NBEA: variants seen among roughly 807,000 people sequenced by gnomAD.
The protein encoded by NBEA is neurobeachin.
Under a neutral mutation model 343.4 loss-of-function variants are expected in NBEA, and 44 were observed. The ratio of observed to expected loss-of-function variants is 0.13; its 90% CI spans 0.10 to 0.16. The LOEUF (loss-of-function observed/expected upper bound fraction) is 0.16. Among genes scored for constraint, NBEA ranks in the 10% least tolerant of loss-of-function variants. The pLI is 1.00. For synonymous variants in NBEA, 1,175 were observed against 1,238.7 expected, an observed-to-expected ratio of 0.95 and a Z score of 1.08; for missense variants, 2,555 against 3,631.3, an observed-to-expected ratio of 0.70 and a Z score of 7.62.
At chr13:34,963,514 G>A (rs2059724867) in intron 1 of NBEA, among the ~76,000 whole-genome samples, 1 of 152,024 alleles carries the variant, frequency 6.6e-6, no homozygotes, top group African/African-American at 2.4e-5. Context: ...GGGGGATACA[G>A]TGCAGCCCAT....
At chr13:35,264,403 A>T (rs552216196) in intron 34 of NBEA, among the ~76,000 whole-genome samples, 1 of 151,986 alleles carries the variant, frequency 6.6e-6, no homozygotes, top group Admixed American at 6.6e-5. Flanking sequence ...ACATATTACA[A>T]ACCCAGCATT....
intron 41 of NBEA, among the ~76,000 whole-genome samples, chr13:35,491,258 G>A (rs2076489148): frequency 6.6e-6 from 1 of 151,866 alleles, no homozygotes; most frequent in Non-Finnish European, 1.5e-5. Flanking sequence ...CATATAGCAG[G>A]TACTCAGTGC....
At chr13:35,080,439 C>A (rs1356716146) in intron 10 of NBEA, among the ~76,000 whole-genome samples, 1 of 152,126 alleles carries the variant, frequency 6.6e-6, no homozygotes, top group Non-Finnish European at 1.5e-5. Flanking sequence ...CATTCTCTGA[C>A]AAAGAGGTTA....
intron 34 of NBEA, among the ~76,000 whole-genome samples, chr13:35,278,795 C>A (rs1347593134): frequency 6.6e-6 from 1 of 152,082 alleles, no homozygotes; most frequent in Non-Finnish European, 1.5e-5. Flanking sequence ...CTTAGATGGG[C>A]CAAAACATGA....
At chr13:35,010,713 G>T in intron 1 of NBEA, among the ~76,000 whole-genome samples, 1 of 71,270 alleles carries the variant, frequency 1.4e-5, no homozygotes, top group South Asian at 6.8e-4. Flanking sequence ...AACATAGCAA[G>T]ACTGGGTCTC....
intron 34 of NBEA, among the ~76,000 whole-genome samples, chr13:35,262,177 G>T (rs559240559): frequency 1.0e-3 from 155 of 152,344 alleles, no homozygotes; most frequent in African/African-American, 3.5e-3. Flanking sequence ...TCCAAGTGCT[G>T]CCAAGAATAT....
At chr13:35,201,723 C>T (rs1177589844) in intron 31 of NBEA, among the ~76,000 whole-genome samples, 1 of 151,990 alleles carries the variant, frequency 6.6e-6, no homozygotes, top group Non-Finnish European at 1.5e-5. Context: ...TTCCAAAATC[C>T]TATTTAAATG....
chr13:35,258,860 A>C (rs1256234705), intron 34 of NBEA, among the ~76,000 whole-genome samples: 4 of 152,240 alleles, frequency 2.6e-5, no homozygotes, highest in African/African-American at 9.6e-5. Flanking sequence ...TCAATAAATT[A>C]CATGAGAAAT....
At chr13:35,102,687 A>C (rs1412192284) in intron 11 of NBEA, among the ~76,000 whole-genome samples, 3 of 151,742 alleles carry the variant, frequency 2.0e-5, no homozygotes, top group Non-Finnish European at 3.0e-5. Context: ...AAAAGTTTTG[A>C]TTTTTGTTAC....
intron 34 of NBEA, among the ~76,000 whole-genome samples, chr13:35,256,874 C>T (rs573359722): frequency 6.6e-6 from 1 of 152,336 alleles, no homozygotes; most frequent in African/African-American, 2.4e-5. Flanking sequence ...CCTGCACCCC[C>T]AAGAGTGCAG....
At chr13:35,656,602 A>G (rs2084824350) in intron 55 of NBEA, among the ~76,000 whole-genome samples, 2 of 152,226 alleles carry the variant, frequency 1.3e-5, no homozygotes, top group South Asian at 4.1e-4. Context: ...AGTAATATAC[A>G]TAATAGGTTT....
At chr13:35,077,504 AT>A (rs2152592322) in intron 10 of NBEA, among the ~76,000 whole-genome samples, 1 of 152,176 alleles carries the variant, frequency 6.6e-6, no homozygotes, top group East Asian at 1.9e-4. Flanking sequence ...CTGTTCCTGT[AT>A]TTCCCACATA....
intron 51 of NBEA, among the ~76,000 whole-genome samples, chr13:35,647,527 C>G (rs944437674): frequency 3.3e-5 from 5 of 152,152 alleles, no homozygotes; most frequent in African/African-American, 9.7e-5. Context: ...TCTAAACTTT[C>G]AAGAAATCAG....
At chr13:35,325,019 A>G (rs117702251) in intron 36 of NBEA, among the ~76,000 whole-genome samples, 4,637 of 152,250 alleles carry the variant, frequency 0.03, 95 homozygotes, top group South Asian at 0.077. Flanking sequence ...TTTGAAGTTT[A>G]TATTATTTAA....
At chr13:35,600,698 T>A (rs962105206) in intron 47 of NBEA, among the ~76,000 whole-genome samples, 6 of 152,184 alleles carry the variant, frequency 3.9e-5, no homozygotes, top group African/African-American at 1.4e-4. Flanking sequence ...AAACTTTTTG[T>A]CAAAAGGTTA....
intron 23 of NBEA, among the ~76,000 whole-genome samples, chr13:35,162,844 G>A (rs538238848): frequency 3.5e-4 from 53 of 152,132 alleles, no homozygotes; most frequent in African/African-American, 1.2e-3. Flanking sequence ...TGTGTTAGCA[G>A]GGAAAAAGTT....
Position 35,309,394 on chromosome 13 carries a change from T to C in NBEA, c.5839-134T>C, listed in dbSNP as rs147409851. The C allele has an allele frequency of 3.7e-4, 225 of 608,992 alleles. 3 individuals carry two copies. The East Asian group carries it at 7.3e-3, about 20-fold the overall frequency. 37.7% of individuals were successfully genotyped at this position (608,992 alleles called of 1,614,324 possible). A position where few individuals can be genotyped will look rare whatever the true frequency, so the allele number is the denominator to read the frequency against. ...TGATTTTTTACAAAATAATATTCAT[T>C]ACAAAATCTTGTAAAGACATTTGGA... On this transcript the variant is annotated intron_variant, in intron 35 of 58. Transcript: ENST00000379939.
chr13:35,092,437 G>A (rs551605918), intron 10 of NBEA, among the ~76,000 whole-genome samples: 1 of 152,080 alleles, frequency 6.6e-6, no homozygotes, highest in Non-Finnish European at 1.5e-5. Flanking sequence ...ACACAGTACA[G>A]GCTGGAGGAA....
chr13:34,965,360 T>C (rs1215470576), intron 1 of NBEA, among the ~76,000 whole-genome samples: 1 of 152,026 alleles, frequency 6.6e-6, no homozygotes, highest in African/African-American at 2.4e-5. Context: ...CTTTCTTTGC[T>C]TGTGACTGAG....
Sources: gnomAD v4.1 joint callset for allele counts (sites outside exome capture counted in the v4.1 genomes callset) on GRCh38, gnomAD v4.1.1 for gene constraint, MANE v1.5 for transcripts, NCBI Gene and HGNC (gene_info 2026-07-23, HGNC 2026-07-21) for gene names.